The following FREM2 variants were observed in gnomAD, a reference collection of about 807,000 sequenced individuals.
FREM2 encodes FRAS1-related extracellular matrix protein 2.
In FREM2, 119 loss-of-function variants were observed where a neutral mutation model predicts 219.9. That is an observed-to-expected ratio of 0.54 (90% CI 0.47 to 0.63). FREM2 has a LOEUF of 0.63. FREM2 is among the 30% of genes least tolerant of loss of function. The probability of loss-of-function intolerance (pLI) is 0.00; values close to 1 mark genes in which losing one functional copy is unlikely to be tolerated. For missense variants in FREM2, 4,030 were observed against 3,993.6 expected (o/e 1.01, Z -0.25); for synonymous variants, 1,562 against 1,522.8 (o/e 1.03, Z -0.60).
rs371520497 is a variant in FREM2, at chr13:38,822,395, G to A, written c.6020-24178G>A. On this transcript the variant is annotated intron_variant, in intron 6 of 23. Coordinates refer to ENST00000280481, the MANE Select transcript of FREM2 (RefSeq NM_207361.6). ...TTAAGAATCACACTTATTCAGAAGG[G>A]TAATTTTTGAGAGCACACTCCCTGC... is the stretch of plus-strand genomic sequence containing the variant. Among the ~76,000 whole-genome samples the A allele has an allele frequency of 9.0e-5, 13 of 145,114 alleles. No individual in the cohort carries two copies. The East Asian group carries it at 1.4e-3, about 16-fold the overall frequency.
Position 38,874,207 on chromosome 13 carries a change from A to G in FREM2, c.8177-275A>G, listed in dbSNP as rs9566371. Among the ~76,000 whole-genome samples the G allele has an allele frequency of 0.21, 31,983 of 152,048 alleles. 3,803 individuals are homozygous for G. Among genetic ancestry groups the G allele is most frequent in the African/African-American group, 0.31 (12,919 of 41,466 alleles). ...TCAATTTACAGCTTCATTTTTATAA[A>G]CTCAGATTTTAAAAAAACTTGGTCT... On this transcript the variant is annotated intron_variant, in intron 17 of 23. Transcript: ENST00000280481.
intron 2 of FREM2, among the ~76,000 whole-genome samples, chr13:38,752,988 T>C (rs1192981607): frequency 1.3e-5 from 2 of 152,212 alleles, no homozygotes; most frequent in African/African-American, 2.4e-5. Context: ...ATTTTAAGAA[T>C]GTGTTGCCAG....
At chr13:38,814,680 T>C (rs1875689923) in intron 6 of FREM2, among the ~76,000 whole-genome samples, 1 of 152,122 alleles carries the variant, frequency 6.6e-6, no homozygotes, top group African/African-American at 2.4e-5. Context: ...CCCAAATGTG[T>C]CCAGGGATGC....
rs79019228 is a variant in FREM2, at chr13:38,768,627, A to G, written c.5411-951A>G. On this transcript the variant is annotated intron_variant, in intron 3 of 23. Transcript: ENST00000280481. ...GTCTGTCTTACCCACTTCTCTGAAA[A>G]TGCTCAGGTTTAGAGAAATATATTT... Among the ~76,000 whole-genome samples the G allele has an allele frequency of 6.6e-5, 10 of 152,276 alleles. No individual in the cohort carries two copies. In the East Asian group the frequency reaches 1.9e-3, roughly 29 times the overall value.
At chr13:38,737,565 T>G (rs1272505411) in intron 2 of FREM2, among the ~76,000 whole-genome samples, 1 of 152,196 alleles carries the variant, frequency 6.6e-6, no homozygotes, top group Non-Finnish European at 1.5e-5. Flanking sequence ...TAAGTGACTG[T>G]TAAGAATGTT....
intron 3 of FREM2, among the ~76,000 whole-genome samples, chr13:38,768,080 C>T (rs1357674723): frequency 1.3e-5 from 2 of 152,120 alleles, no homozygotes; most frequent in East Asian, 3.8e-4. Context: ...TAGAGCCTGG[C>T]ATGGAATAAG....
At chr13:38,875,136 G>A (rs1174070867) in intron 18 of FREM2, among the ~76,000 whole-genome samples, 1 of 143,566 alleles carries the variant, frequency 7.0e-6, no homozygotes, top group Non-Finnish European at 1.5e-5. Context: ...AAAATCCCAC[G>A]TCTAACTTCA....
At chr13:38,783,473 T>TAAAAAAAAAAAAAAAAAAAAA (rs141521145) in intron 5 of FREM2, among the ~76,000 whole-genome samples, 1 of 124,064 alleles carries the variant, frequency 8.1e-6, no homozygotes, top group Admixed American at 8.2e-5. Context: ...GGTTACTATA[T>TAAAAAAAAAAAAAAAAAAAAA]AAAAAAAAAA....
At chr13:38,733,353 G>A (rs944699821) in intron 2 of FREM2, among the ~76,000 whole-genome samples, 58 of 151,172 alleles carry the variant, frequency 3.8e-4, no homozygotes, top group African/African-American at 1.3e-3. Context: ...TTCAATGAAG[G>A]CAAAGAAGTG....
At chr13:38,852,615 A>G (rs997722923) in intron 11 of FREM2, among the ~76,000 whole-genome samples, 1 of 152,098 alleles carries the variant, frequency 6.6e-6, no homozygotes, top group African/African-American at 2.4e-5. Flanking sequence ...AATATTAACC[A>G]CAGAGACAAT....
intron 17 of FREM2, among the ~76,000 whole-genome samples, chr13:38,873,294 G>A (rs1277968740): frequency 6.6e-6 from 1 of 151,954 alleles, no homozygotes; most frequent in Admixed American, 6.5e-5. Flanking sequence ...AATGACCAAG[G>A]GAAAAAGTTA....
rs770653449 is a variant in FREM2, at chr13:38,848,601, A to G, written c.6310A>G (p.Met2104Val). Residue 2104 changes from methionine to valine, a missense_variant, in exon 8 of 24, where the codon ATG becomes GTG. Transcript: ENST00000280481. Reference sequence around the variant, plus strand: ...TGAGAAATTTGAACTGGTGCTTCGCATGCCTATGAACGCAGCCCTTGGCGA... The same window carrying G: ...TGAGAAATTTGAACTGGTGCTTCGCGTGCCTATGAACGCAGCCCTTGGCGA... ...GIEKFELVLR[M>V]PMNAALGEPS... 4.3e-6 allele frequency: 7 copies of G among 1,614,078 alleles called. No individual in the cohort carries two copies. The highest frequency in any genetic ancestry group is 1.1e-5 in the South Asian group (1 of 91,084).
intron 6 of FREM2, among the ~76,000 whole-genome samples, chr13:38,820,491 T>A (rs1213747462): frequency 6.6e-6 from 1 of 152,062 alleles, no homozygotes; most frequent in Non-Finnish European, 1.5e-5. Flanking sequence ...CATTTTAGTG[T>A]TAAAAATCAC....
At chr13:38,697,503 A>G (rs1399540613) in intron 1 of FREM2, among the ~76,000 whole-genome samples, 195 bp from the exon 2 acceptor site, 1 of 152,218 alleles carries the variant, frequency 6.6e-6, no homozygotes, top group Non-Finnish European at 1.5e-5. Context: ...TATCTGTGTG[A>G]GGGATCAGGT....
At chr13:38,717,289 A>G (rs1211728013) in intron 2 of FREM2, among the ~76,000 whole-genome samples, 1 of 152,118 alleles carries the variant, frequency 6.6e-6, no homozygotes, top group Non-Finnish European at 1.5e-5. Context: ...ACATGGAAGT[A>G]TATAGAAGAA....
chr13:38,814,805 C>T (rs950633958), intron 6 of FREM2, among the ~76,000 whole-genome samples: 2 of 152,212 alleles, frequency 1.3e-5, no homozygotes, highest in African/African-American at 2.4e-5. Context: ...GCTCTTCTCT[C>T]CCCTTTTCGC....
rs767688388 is a variant in FREM2, at chr13:38,769,559, A to T, written c.5411-19A>T. 1.3e-6 allele frequency: 2 copies of T among 1,578,474 alleles called. No homozygotes were observed. The highest frequency in any genetic ancestry group is 1.7e-6 in the Non-Finnish European group (2 of 1,148,256). On this transcript the variant is annotated intron_variant, in intron 3 of 23. Transcript: ENST00000280481. ...AAGCGAAAATGAAACTAAGAAAATG[A>T]TATTATGTTTTTGTGAAGGTATTGG...
intron 6 of FREM2, among the ~76,000 whole-genome samples, chr13:38,843,763 T>A (rs1877046940): frequency 6.6e-6 from 1 of 152,194 alleles, no homozygotes. Context: ...TTTGAAAAGA[T>A]GCTGAGAAAT....
At chr13:38,700,671 C>T (rs929106180) in intron 2 of FREM2, among the ~76,000 whole-genome samples, 1 of 152,026 alleles carries the variant, frequency 6.6e-6, no homozygotes, top group Non-Finnish European at 1.5e-5. Flanking sequence ...AAATAAGTAA[C>T]TTTCCTCCTT....
Sources: gnomAD v4.1 joint callset for allele counts (sites outside exome capture counted in the v4.1 genomes callset) on GRCh38, gnomAD v4.1.1 for gene constraint, MANE v1.5 for transcripts, NCBI Gene and HGNC (gene_info 2026-07-23, HGNC 2026-07-21) for gene names.